CLVS1: variants seen among roughly 807,000 people sequenced by gnomAD.
CLVS1 encodes the protein clavesin 1.
A neutral mutation model predicts 33.1 loss-of-function variants in CLVS1; 10 were observed. That is an observed-to-expected ratio of 0.30 (90% CI 0.19 to 0.51). The LOEUF is 0.51. Among genes scored for constraint, CLVS1 ranks in the 20% least tolerant of loss-of-function variants. The probability of loss-of-function intolerance (pLI) is 0.97; values close to 1 mark genes in which losing one functional copy is unlikely to be tolerated. For missense variants in CLVS1, 343 were observed against 433.4 expected (o/e 0.79, Z 1.85); for synonymous variants, 163 against 166.1 (o/e 0.98, Z 0.14).
intron 1 of CLVS1, chr8:61,090,912 G>A (rs765158391): frequency 1.9e-6 from 1 of 518,738 alleles, no homozygotes; most frequent in Non-Finnish European, 3.8e-6. Context: ...AGATGTTGGG[G>A]GACCTTGAAA....
chr8:61,069,255 A>G (rs1267182917), intron 1 of CLVS1, among the ~76,000 whole-genome samples: 1 of 152,212 alleles, frequency 6.6e-6, no homozygotes, highest in African/African-American at 2.4e-5. Flanking sequence ...GGCATGAGCC[A>G]CCGCGCCCAG....
the CLVS1 span, among the ~76,000 whole-genome samples, chr8:61,017,131 G>A: frequency 6.6e-6 from 1 of 152,212 alleles, no homozygotes; most frequent in Non-Finnish European, 1.5e-5. Context: ...CACTGGGGGA[G>A]AGCCGAGCCT....
At chr8:61,151,775 G>T (rs954037512) in intron 2 of CLVS1, among the ~76,000 whole-genome samples, 1 of 152,164 alleles carries the variant, frequency 6.6e-6, no homozygotes, top group Non-Finnish European at 1.5e-5. Context: ...AATATTTCCT[G>T]AAAGAAGTAG....
At chr8:61,495,451 T>G (rs1042991844) in intron 5 of CLVS1, among the ~76,000 whole-genome samples, 2 of 152,202 alleles carry the variant, frequency 1.3e-5, no homozygotes, top group African/African-American at 2.4e-5. Context: ...TTTGAGAATT[T>G]GATTTTCTTT....
At position 61,140,018 on chromosome 8, in the gene CLVS1, G is replaced by A. The variant is rs1022106039; in HGVS notation, c.-152+8158G>A. 2.6e-5 allele frequency among the ~76,000 whole-genome samples: 4 copies of A among 152,288 alleles called. No individual in the cohort carries two copies. In the East Asian group the frequency reaches 7.7e-4, roughly 30 times the overall value. On this transcript the variant is annotated intron_variant, in intron 2 of 2. Coordinates refer to the CLVS1 transcript ENST00000522621. ...AGCGGAGCTCTTGCAGGAAGCAGCC[G>A]AGGTGCGTCTCCGCCACGGACCCCA... is the stretch of plus-strand genomic sequence containing the variant.
Position 61,458,281 on chromosome 8 carries a change from C to T in CLVS1, c.742-26C>T, listed in dbSNP as rs1413925117. On this transcript the variant is annotated intron_variant, in intron 4 of 5. Coordinates refer to ENST00000325897, the MANE Select transcript of CLVS1 (RefSeq NM_173519.3). ...GTCGTATGTTTTGGATTTTGTATTGCTAATTACTTTTTGTTTTCTTTACAG... is the reference window on the plus strand; with the variant it reads ...GTCGTATGTTTTGGATTTTGTATTGTTAATTACTTTTTGTTTTCTTTACAG... The T allele has an allele frequency of 1.9e-6, 3 of 1,538,572 alleles. No individual in the cohort carries two copies. The Admixed American group carries it at 5.1e-5, about 26-fold the overall frequency.
At chr8:61,302,839 G>A (rs1255062553) in intron 2 of CLVS1, among the ~76,000 whole-genome samples, 1 of 152,172 alleles carries the variant, frequency 6.6e-6, no homozygotes, top group Non-Finnish European at 1.5e-5. Context: ...AATCATGGCA[G>A]AAGGTGAAGG....
chr8:61,409,807 T>C (rs562976315), intron 3 of CLVS1, among the ~76,000 whole-genome samples: 24 of 152,318 alleles, frequency 1.6e-4, no homozygotes, highest in Admixed American at 4.6e-4. Context: ...CTTACACTCT[T>C]AGATTTTTGA....
chr8:61,153,409 C>T (rs1356110069), intron 2 of CLVS1, among the ~76,000 whole-genome samples: 1 of 152,098 alleles, frequency 6.6e-6, no homozygotes, highest in African/African-American at 2.4e-5. Flanking sequence ...CCTTTGGAGG[C>T]CTTGTGAAAA....
intron 2 of CLVS1, among the ~76,000 whole-genome samples, chr8:61,223,702 T>A (rs1237033879): frequency 6.6e-6 from 1 of 152,230 alleles, no homozygotes; most frequent in Non-Finnish European, 1.5e-5. Flanking sequence ...TTCTCTGTAT[T>A]TCCTGAATTT....
At chr8:61,255,223 T>C (rs1809051968) in intron 2 of CLVS1, among the ~76,000 whole-genome samples, 1 of 152,172 alleles carries the variant, frequency 6.6e-6, no homozygotes. Context: ...AAAAGAAGAA[T>C]ATTGATTTCC....
chr8:61,396,019 C>T (rs1585910662), intron 3 of CLVS1, among the ~76,000 whole-genome samples: 2 of 152,308 alleles, frequency 1.3e-5, no homozygotes, highest in Admixed American at 1.3e-4. Flanking sequence ...CATTCACCCA[C>T]TTATCCCAAA....
intron 5 of CLVS1, chr8:61,464,837 A>G (rs1419303208): frequency 6.6e-6 from 1 of 152,290 alleles, no homozygotes; most frequent in Non-Finnish European, 1.5e-5. Context: ...GAGACTGGAG[A>G]GGAGGGATCA....
intron 2 of CLVS1, among the ~76,000 whole-genome samples, chr8:61,184,644 C>T (rs1445541166): frequency 6.6e-6 from 1 of 152,148 alleles, no homozygotes; most frequent in Non-Finnish European, 1.5e-5. Flanking sequence ...AAAACGGAAA[C>T]TGAATTTCCT....
chr8:61,252,374 T>A (rs565550451), intron 2 of CLVS1, among the ~76,000 whole-genome samples: 6 of 152,328 alleles, frequency 3.9e-5, no homozygotes, highest in African/African-American at 1.2e-4. Context: ...GATGAGGTGC[T>A]GAGAAGAATG....
intron 3 of CLVS1, among the ~76,000 whole-genome samples, chr8:61,413,142 T>G (rs1815297904): frequency 6.6e-6 from 1 of 152,162 alleles, no homozygotes; most frequent in African/African-American, 2.4e-5. Context: ...AGCATTTCAC[T>G]TAGTACTGAG....
the CLVS1 span, among the ~76,000 whole-genome samples, chr8:61,016,669 A>G: frequency 1.1e-4 from 16 of 152,370 alleles, no homozygotes; most frequent in South Asian, 1.2e-3. Flanking sequence ...ATGTGCATAC[A>G]TAAGAGTGGA....
chr8:61,108,003 C>T (rs1281996139), intron 1 of CLVS1, among the ~76,000 whole-genome samples: 1 of 152,106 alleles, frequency 6.6e-6, no homozygotes. Context: ...CACAGTGGCT[C>T]ACGCCTGTAA....
rs554925913 is a variant in CLVS1 at position 61,477,656 on chromosome 8, AT to A, written c.977+19120del. 2.3e-3 allele frequency among the ~76,000 whole-genome samples: 350 copies of A among 151,950 alleles called. 3 individuals are homozygous for A. Among genetic ancestry groups the A allele is most frequent in the Middle Eastern group, 6.8e-3 (2 of 294 alleles). ...GATCAGTGGTGATATCCCCTTTGTC[AT>A]TTTTTATTGTGTCTATTTGATTCTT... On this transcript the variant is annotated intron_variant, in intron 5 of 5. Transcript: ENST00000325897.
Sources: gnomAD v4.1 joint callset for allele counts (sites outside exome capture counted in the v4.1 genomes callset) on GRCh38, gnomAD v4.1.1 for gene constraint, MANE v1.5 for transcripts, NCBI Gene and HGNC (gene_info 2026-07-23, HGNC 2026-07-21) for gene names.